The following SUGCT variants were observed in gnomAD, a reference collection of about 807,000 sequenced individuals.
The protein encoded by SUGCT is succinyl-CoA:glutarate CoA-transferase.
A neutral mutation model predicts 55.0 loss-of-function variants in SUGCT; 41 were observed. That is an observed-to-expected ratio of 0.74 (90% CI 0.58 to 0.97). The LOEUF (loss-of-function observed/expected upper bound fraction) is 0.97, where lower values mean the gene tolerates loss of function less well. SUGCT is among the 50% of genes least tolerant of loss of function. The pLI, the probability that SUGCT is intolerant of heterozygous loss-of-function variation, is 0.00. For synonymous variants in SUGCT, 187 were observed against 200.4 expected (o/e 0.93, Z 0.56); for missense variants, 568 against 547.8 (o/e 1.04, Z -0.37).
At position 40,535,849 on chromosome 7, in the gene SUGCT, A is replaced by G. The variant is rs191504098; in HGVS notation, c.1089+39463A>G. Among the ~76,000 whole-genome samples, 6 of 152,190 alleles carry G rather than the reference A, an allele frequency of 3.9e-5. No individual in the cohort carries two copies. The East Asian group carries it at 9.7e-4, about 25-fold the overall frequency. On this transcript the variant is annotated intron_variant, in intron 12 of 13. Coordinates refer to ENST00000335693, the MANE Select transcript of SUGCT (RefSeq NM_001193313.2). Reference sequence around the variant, plus strand: ...ACTGCATCTGGCCTTTTGACTTTTTATTAATAGCAGTTGACTAGTGTGAGA... The same window carrying G: ...ACTGCATCTGGCCTTTTGACTTTTTGTTAATAGCAGTTGACTAGTGTGAGA...
chr7:40,993,189 T>A, the SUGCT span, among the ~76,000 whole-genome samples: 2 of 152,106 alleles, frequency 1.3e-5, no homozygotes, highest in Non-Finnish European at 2.9e-5. Flanking sequence ...ATGCTCTAGA[T>A]CACAAATGAG....
At chr7:40,826,663 T>C (rs903723759) in intron 13 of SUGCT, among the ~76,000 whole-genome samples, 3 of 152,200 alleles carry the variant, frequency 2.0e-5, no homozygotes, top group African/African-American at 7.2e-5. Context: ...TTAAACAGTA[T>C]GTGGAGAATG....
At chr7:41,008,551 C>G in the SUGCT span, among the ~76,000 whole-genome samples, 3 of 152,122 alleles carry the variant, frequency 2.0e-5, no homozygotes, top group Admixed American at 6.5e-5. Flanking sequence ...TGGGAAATTC[C>G]TAGACTGAAA....
chr7:40,270,187 T>A (rs1445866528), intron 7 of SUGCT, among the ~76,000 whole-genome samples: 1 of 150,050 alleles, frequency 6.7e-6, no homozygotes, highest in Non-Finnish European at 1.5e-5. Flanking sequence ...ATCAAGTACA[T>A]GATTTACTAA....
At chr7:40,480,702 T>G (rs1262420867) in intron 11 of SUGCT, among the ~76,000 whole-genome samples, 3 of 152,204 alleles carry the variant, frequency 2.0e-5, no homozygotes, top group African/African-American at 7.2e-5. Context: ...TGTATAATTT[T>G]TAGTGTACAC....
rs371442292 is a variant in SUGCT, at chr7:40,657,775, T to C, written c.1090-91659T>C. Among the ~76,000 whole-genome samples the C allele has an allele frequency of 8.3e-4, 126 of 152,298 alleles. 1 individual carries two copies. The highest frequency in any genetic ancestry group is 1.8e-3 in the Admixed American group (28 of 15,302). On this transcript the variant is annotated intron_variant, in intron 12 of 13. Coordinates refer to ENST00000335693, the MANE Select transcript of SUGCT (RefSeq NM_001193313.2). ...GATCTTGATCTCCTGACCTCGTGAT[T>C]CACCCACCTTGGCCTCCCAAAGTGC...
the SUGCT span, among the ~76,000 whole-genome samples, chr7:40,915,287 G>C: frequency 6.6e-6 from 1 of 152,134 alleles, no homozygotes; most frequent in Non-Finnish European, 1.5e-5. Flanking sequence ...TCTTATCACT[G>C]AGAAAGAGAA....
At chr7:40,780,045 G>A (rs1393827792) in intron 13 of SUGCT, among the ~76,000 whole-genome samples, 1 of 152,138 alleles carries the variant, frequency 6.6e-6, no homozygotes, top group African/African-American at 2.4e-5. Context: ...ATTTACCTAA[G>A]CATTCTTTAA....
At chr7:40,299,797 C>G (rs1794418731) in intron 8 of SUGCT, among the ~76,000 whole-genome samples, 5 of 152,060 alleles carry the variant, frequency 3.3e-5, no homozygotes, top group Non-Finnish European at 1.5e-5. Flanking sequence ...AATGGCTTCA[C>G]TGGTATTTTT....
chr7:40,841,773 A>G (rs529350191), intron 13 of SUGCT, among the ~76,000 whole-genome samples: 1 of 152,292 alleles, frequency 6.6e-6, no homozygotes, highest in East Asian at 1.9e-4. Context: ...TATCCTAAAC[A>G]TTTCATAGAC....
At chr7:40,926,253 T>C in the SUGCT span, among the ~76,000 whole-genome samples, 5 of 152,284 alleles carry the variant, frequency 3.3e-5, no homozygotes, top group Middle Eastern at 6.8e-3. Flanking sequence ...CTTATTCTTC[T>C]TAGCTTATAA....
At chr7:40,386,256 C>A (rs920380283) in intron 9 of SUGCT, among the ~76,000 whole-genome samples, 1 of 152,150 alleles carries the variant, frequency 6.6e-6, no homozygotes, top group African/African-American at 2.4e-5. Flanking sequence ...ATCTAGAAAG[C>A]ACATCTTCTC....
chr7:40,744,677 T>A lies in SUGCT; in HGVS notation c.1090-4757T>A, dbSNP rs190535926. ...GGTGAAGATAATAATTCCTACCTAGTCTGGTTAATGAGAGGATTAAATGAA... is the reference window on the plus strand; with the variant it reads ...GGTGAAGATAATAATTCCTACCTAGACTGGTTAATGAGAGGATTAAATGAA... On this transcript the variant is annotated intron_variant, in intron 12 of 13. Transcript: ENST00000335693. 2.1e-3 allele frequency among the ~76,000 whole-genome samples: 320 copies of A among 152,318 alleles called. 1 individual carries two copies. The highest frequency in any genetic ancestry group is 3.1e-3 in the Non-Finnish European group (213 of 68,010).
chr7:40,516,303 T>TTGA lies in SUGCT; in HGVS notation c.1089+19919_1089+19921dup, dbSNP rs576576284. On this transcript the variant is annotated intron_variant, in intron 12 of 13. Coordinates refer to ENST00000335693, the MANE Select transcript of SUGCT (RefSeq NM_001193313.2). ...TTCTGTAAGTTTTCTTTTCATTTTCTTGATTGTATTCTTTGACACACAAAA... is the reference window on the plus strand; with the variant it reads ...TTCTGTAAGTTTTCTTTTCATTTTCTTGATGATTGTATTCTTTGACACACAAAA... 1.8e-4 allele frequency among the ~76,000 whole-genome samples: 27 copies of TTGA among 152,334 alleles called. No individual in the cohort carries two copies. In the South Asian group the frequency reaches 4.8e-3, roughly 27 times the overall value.
chr7:41,000,755 G>A, the SUGCT span, among the ~76,000 whole-genome samples: 2 of 152,260 alleles, frequency 1.3e-5, no homozygotes, highest in South Asian at 4.1e-4. Context: ...GATGATAAGT[G>A]AGGAGATATT....
At chr7:40,788,240 C>T (rs951318467) in intron 13 of SUGCT, among the ~76,000 whole-genome samples, 23 of 152,286 alleles carry the variant, frequency 1.5e-4, no homozygotes, top group Admixed American at 1.2e-3. Context: ...ACCCCTTCCC[C>T]GGCCAGCATG....
intron 12 of SUGCT, among the ~76,000 whole-genome samples, chr7:40,595,629 C>A (rs967522545): frequency 2.0e-5 from 3 of 147,814 alleles, no homozygotes; most frequent in African/African-American, 7.5e-5. Context: ...TTTTTCTTTT[C>A]TTTTTCATGC....
chr7:41,028,354 T>A, the SUGCT span, among the ~76,000 whole-genome samples: 1 of 152,226 alleles, frequency 6.6e-6, no homozygotes, highest in East Asian at 1.9e-4. Context: ...CACTAAATAA[T>A]CCCTGAGAGG....
At chr7:40,911,893 T>C in the SUGCT span, among the ~76,000 whole-genome samples, 2 of 151,960 alleles carry the variant, frequency 1.3e-5, no homozygotes, top group Non-Finnish European at 2.9e-5. Context: ...GAGGGCATGG[T>C]GTGTGTGTGG....
Sources: gnomAD v4.1 joint callset for allele counts (sites outside exome capture counted in the v4.1 genomes callset) on GRCh38, gnomAD v4.1.1 for gene constraint, MANE v1.5 for transcripts, NCBI Gene and HGNC (gene_info 2026-07-23, HGNC 2026-07-21) for gene names.